Variants in RBFOX1 observed in about 807,000 individuals in gnomAD.
The protein encoded by RBFOX1 is RNA binding fox-1 homolog 1.
In RBFOX1, 8 loss-of-function variants were observed where a neutral mutation model predicts 57.7. The ratio of observed to expected loss-of-function variants is 0.14; its 90% confidence interval spans 0.08 to 0.25. The LOEUF (loss-of-function observed/expected upper bound fraction) is 0.25. Ranked by LOEUF, RBFOX1 falls within the 10% of genes least tolerant of loss-of-function variation. The probability of loss-of-function intolerance (pLI) is 1.00; values close to 1 mark genes in which losing one functional copy is unlikely to be tolerated. For missense variants in RBFOX1, 611 were observed against 548.5 expected (o/e 1.11, Z -1.14); for synonymous variants, 326 against 222.4 (o/e 1.47, Z -4.15).
At chr16:7,372,246 G>T (rs972869513) in intron 4 of RBFOX1, among the ~76,000 whole-genome samples, 1 of 152,124 alleles carries the variant, frequency 6.6e-6, no homozygotes, top group African/African-American at 2.4e-5. Context: ...TGGAGTTCAC[G>T]TAAGGATGAG....
intron 3 of RBFOX1, among the ~76,000 whole-genome samples, chr16:6,870,263 C>T (rs187921850): frequency 3.3e-5 from 5 of 152,214 alleles, no homozygotes; most frequent in African/African-American, 1.2e-4. Flanking sequence ...AGAGAGCATT[C>T]CCTTTGGTCG....
At chr16:7,318,534 G>T (rs868176589) in intron 4 of RBFOX1, among the ~76,000 whole-genome samples, 1 of 152,316 alleles carries the variant, frequency 6.6e-6, no homozygotes, top group African/African-American at 2.4e-5. Context: ...TGTCTCATCT[G>T]TGAGATGGGG....
intron 3 of RBFOX1, among the ~76,000 whole-genome samples, chr16:6,846,703 T>C (rs1311519574): frequency 2.6e-5 from 4 of 152,168 alleles, no homozygotes; most frequent in African/African-American, 7.2e-5. Context: ...TTCGCCAGTA[T>C]CCGGGAGAAT....
intron 1 of RBFOX1, among the ~76,000 whole-genome samples, chr16:5,317,281 C>T (rs938867775): frequency 6.6e-6 from 1 of 152,060 alleles, no homozygotes; most frequent in African/African-American, 2.4e-5. Context: ...GACAAAATCA[C>T]CTAGTCTGCA....
intron 3 of RBFOX1, among the ~76,000 whole-genome samples, chr16:6,913,394 C>T (rs1016833257): frequency 2.0e-5 from 3 of 152,134 alleles, no homozygotes; most frequent in Non-Finnish European, 1.5e-5. Context: ...GCTGCTGTCT[C>T]TTCCGGCAAG....
intron 2 of RBFOX1, among the ~76,000 whole-genome samples, chr16:6,374,219 G>T (rs772324817): frequency 1.3e-5 from 2 of 152,176 alleles, no homozygotes; most frequent in Non-Finnish European, 2.9e-5. Flanking sequence ...TTCAAGAATG[G>T]AGGGCATTGT....
At chr16:6,348,914 C>G (rs534190408) in intron 2 of RBFOX1, among the ~76,000 whole-genome samples, 12 of 152,282 alleles carry the variant, frequency 7.9e-5, no homozygotes, top group African/African-American at 2.9e-4. Flanking sequence ...TTCAGGTGTA[C>G]TATGCTTTTC....
rs74975357 is a variant in RBFOX1, at chr16:6,831,854, G to A, written c.-16+177204G>A. 3.3e-3 allele frequency among the ~76,000 whole-genome samples: 507 copies of A among 152,246 alleles called. 4 individuals carry two copies. Among genetic ancestry groups the A allele is most frequent in the African/African-American group, 0.012 (478 of 41,546 alleles). ...TGATTATCTCCAGCTGTGAATGCTA[G>A]GGAGCATCATTTATGCAGTGAAAGA... On this transcript the variant is annotated intron_variant, in intron 3 of 15. Coordinates refer to ENST00000550418, the MANE Select transcript of RBFOX1 (RefSeq NM_018723.4).
intron 4 of RBFOX1, among the ~76,000 whole-genome samples, chr16:5,916,888 A>G (rs28447511): frequency 0.062 from 9,364 of 152,088 alleles, 1,000 homozygotes; most frequent in African/African-American, 0.21. Context: ...AGGTTTCCCA[A>G]TGCCTGGGTG....
intron 5 of RBFOX1, among the ~76,000 whole-genome samples, chr16:7,556,580 CTT>C (rs1237573646): frequency 2.6e-5 from 4 of 152,172 alleles, no homozygotes; most frequent in South Asian, 4.1e-4. Context: ...TCAACATTCT[CTT>C]TTGGATACAG....
At chr16:5,637,804 G>C (rs960402357) in intron 3 of RBFOX1, among the ~76,000 whole-genome samples, 2 of 152,068 alleles carry the variant, frequency 1.3e-5, no homozygotes, top group East Asian at 3.9e-4. Context: ...GTAGTGTGGT[G>C]AGGAGGGAGG....
chr16:6,257,564 T>C (rs2152618344), intron 1 of RBFOX1, among the ~76,000 whole-genome samples: 1 of 152,264 alleles, frequency 6.6e-6, no homozygotes, highest in African/African-American at 2.4e-5. Context: ...CCTGATCCTC[T>C]CCCACTTCCC....
At chr16:6,392,849 T>A in intron 2 of RBFOX1, among the ~76,000 whole-genome samples, 1 of 152,222 alleles carries the variant, frequency 6.6e-6, no homozygotes. Flanking sequence ...TATGCACAAC[T>A]GAAGTTCCAC....
chr16:6,771,773 C>T (rs966742243), intron 3 of RBFOX1, among the ~76,000 whole-genome samples: 1 of 152,098 alleles, frequency 6.6e-6, no homozygotes, highest in African/African-American at 2.4e-5. Flanking sequence ...CACAGGACAG[C>T]CCCCTATGAC....
At chr16:7,311,691 G>A (rs1242310942) in intron 4 of RBFOX1, among the ~76,000 whole-genome samples, 2 of 152,076 alleles carry the variant, frequency 1.3e-5, no homozygotes, top group African/African-American at 4.8e-5. Flanking sequence ...GGAACAGCGA[G>A]GTTTACACAC....
At chr16:6,150,045 G>T (rs1181500926) in intron 1 of RBFOX1, among the ~76,000 whole-genome samples, 1 of 152,192 alleles carries the variant, frequency 6.6e-6, no homozygotes, top group Admixed American at 6.5e-5. Flanking sequence ...CAGATGTAGA[G>T]CGCGATTCTA....
chr16:7,070,811 G>A (rs2057175683), intron 4 of RBFOX1, among the ~76,000 whole-genome samples: 1 of 152,188 alleles, frequency 6.6e-6, no homozygotes, highest in South Asian at 2.1e-4. Flanking sequence ...TTCAGGTGGT[G>A]CGGATTGGGA....
intron 3 of RBFOX1, among the ~76,000 whole-genome samples, chr16:6,812,586 A>G (rs1237700652): frequency 6.6e-6 from 1 of 152,124 alleles, no homozygotes; most frequent in Non-Finnish European, 1.5e-5. Flanking sequence ...CGTGTTGGCC[A>G]GACTGGTCTC....
chr16:5,704,194 G>T (rs2051153680), intron 3 of RBFOX1, among the ~76,000 whole-genome samples: 1 of 152,188 alleles, frequency 6.6e-6, no homozygotes, highest in Non-Finnish European at 1.5e-5. Flanking sequence ...CCCAGATGGA[G>T]GAGGACAGGA....
Sources: gnomAD v4.1 joint callset for allele counts (sites outside exome capture counted in the v4.1 genomes callset) on GRCh38, gnomAD v4.1.1 for gene constraint, MANE v1.5 for transcripts, NCBI Gene and HGNC (gene_info 2026-07-23, HGNC 2026-07-21) for gene names.